The following CERCAM variants were observed in gnomAD, a reference collection of about 807,000 sequenced individuals.
CERCAM encodes cerebral endothelial cell adhesion molecule, also known as inactive glycosyltransferase 25 family member 3.
Under a neutral mutation model 66.0 loss-of-function variants are expected in CERCAM, and 59 were observed. The ratio of observed to expected loss-of-function variants is 0.89; its 90% CI spans 0.73 to 1.11. The LOEUF (loss-of-function observed/expected upper bound fraction) is 1.11, where lower values mean the gene tolerates loss of function less well. Among genes scored for constraint, CERCAM ranks in the 50% most tolerant of loss-of-function variants. The pLI is 0.00. For synonymous variants in CERCAM, 318 were observed against 343.6 expected (o/e 0.93, Z 0.83); for missense variants, 840 against 828.3 (o/e 1.01, Z -0.17).
At chr9:128,427,585 C>A (rs139741879) in intron 5 of CERCAM, 1 of 151,942 alleles carries the variant, frequency 6.6e-6, no homozygotes, top group Non-Finnish European at 1.5e-5. Context: ...GCCAACATGG[C>A]GAAACTCCGT....
chr9:128,434,256 AG>A lies in CERCAM; in HGVS notation c.1331+32del. ...TAGGCAGCCTGCACCCTCAGGGACA[AG>A]GGGGCAGGGTGGGCCTCCGGAGTCT... On this transcript the variant is annotated intron_variant, in intron 10 of 12. Coordinates refer to ENST00000372838, the MANE Select transcript of CERCAM (RefSeq NM_016174.5). The surrounding 1 kb of genome is among the most constrained non-coding windows in gnomAD (Gnocchi z 4.5). 1 of 1,613,336 alleles carries A rather than the reference AG, an allele frequency of 6.2e-7. No homozygotes were observed. The highest frequency in any genetic ancestry group is 8.5e-7 in the Non-Finnish European group (1 of 1,179,592).
intron 11 of CERCAM, among the ~76,000 whole-genome samples, chr9:128,435,111 A>G (rs990653697): frequency 2.0e-5 from 3 of 152,074 alleles, no homozygotes; most frequent in Non-Finnish European, 2.9e-5. Flanking sequence ...TTCCTGCCTC[A>G]GCCTCCTGAG....
Position 128,422,912 on chromosome 9 carries a change from A to G in CERCAM, c.242A>G (p.Gln81Arg). The G allele has an allele frequency of 1.2e-6, 2 of 1,614,114 alleles. No individual in the cohort carries two copies. The highest frequency in any genetic ancestry group is 1.7e-6 in the Non-Finnish European group (2 of 1,180,016). Residue 81 changes from glutamine to arginine, a missense_variant, in exon 2 of 13, where the codon CAG becomes CGG. Gln to Arg is a conservative substitution (Grantham distance 43, BLOSUM62 1). Coordinates refer to ENST00000372838, the MANE Select transcript of CERCAM (RefSeq NM_016174.5). Reference sequence around the variant, plus strand: ...GTGGACAACACCACAGAGATGCTGCAGGAGTGGCTGGCGGCTGTGGGCGAT... The same window carrying G: ...GTGGACAACACCACAGAGATGCTGCGGGAGTGGCTGGCGGCTGTGGGCGAT... The part of the protein sequence containing the change: ...HNVDNTTEML[Q>R]EWLAAVGDDY...
intron 2 of CERCAM, 35 bp from the exon 3 acceptor site, chr9:128,423,111 T>C: frequency 6.2e-7 from 1 of 1,612,238 alleles, no homozygotes; most frequent in Non-Finnish European, 8.5e-7. Context: ...GAGGGGCATG[T>C]ACCCCATGGG....
rs756658692 is a variant in CERCAM at position 128,434,275 on chromosome 9, C to A, written c.1331+46C>A. The A allele has an allele frequency of 6.2e-7, 1 of 1,610,100 alleles. No homozygotes were observed. The highest frequency in any genetic ancestry group is 1.7e-5 in the Admixed American group (1 of 59,764). ...GGGACAAGGGGGCAGGGTGGGCCTC[C>A]GGAGTCTGCCTTTTCCTGCTTGGGA... is the stretch of plus-strand genomic sequence containing the variant. On this transcript the variant is annotated intron_variant, in intron 10 of 12. Transcript: ENST00000372838. The surrounding 1 kb of genome is among the most constrained non-coding windows in gnomAD (Gnocchi z 4.5).
chr9:128,427,685 A>C (rs746489535), intron 5 of CERCAM: 5 of 152,126 alleles, frequency 3.3e-5, no homozygotes, highest in Non-Finnish European at 7.3e-5. Flanking sequence ...GAATTGCTCA[A>C]ACCTGGGAGA....
At chr9:128,431,383 G>A in intron 9 of CERCAM, 80 bp downstream of exon 9, 1 of 1,559,834 alleles carries the variant, frequency 6.4e-7, no homozygotes, top group Non-Finnish European at 8.7e-7. Context: ...CTGTGAACGA[G>A]TGAGTGAATG....
At position 128,435,749 on chromosome 9, in the gene CERCAM, G is replaced by T; in HGVS notation, c.1632G>T (p.Glu544Asp). ...AAPTHYAGDA[E>D]WLSDTETSSP... ...CTACCCACTATGCCGGGGACGCCGA[G>T]TGGCTCAGTGACACGGAGACATCCT... The change falls in exon 12 of 13, where the codon GAG becomes GAT. Residue 544 changes from glutamate (E) to aspartate (D), a missense_variant. Glu to Asp is a conservative substitution (Grantham distance 45, BLOSUM62 2). Transcript: ENST00000372838. 1 of 1,613,538 alleles carries T rather than the reference G, an allele frequency of 6.2e-7. No individual in the cohort carries two copies. The highest frequency in any genetic ancestry group is 8.5e-7 in the Non-Finnish European group (1 of 1,179,904).
At chr9:128,428,461 G>A in intron 6 of CERCAM, 40 bp downstream of exon 6, 2 of 1,609,474 alleles carry the variant, frequency 1.2e-6, no homozygotes, top group Non-Finnish European at 1.7e-6. Context: ...TGCTGCCGGG[G>A]CTCCCTGCCT....
chr9:128,435,535 G>C lies in CERCAM; in HGVS notation c.1536-118G>C, dbSNP rs1834087440. On this transcript the variant is annotated intron_variant, in intron 11 of 12. Coordinates refer to ENST00000372838, the MANE Select transcript of CERCAM (RefSeq NM_016174.5). Reference sequence around the variant, plus strand: ...TCCCACTGCTCAGGGCCGCTGTGAGGACTAGATGGCGGGGAGTGAGGTGCT... The same window carrying C: ...TCCCACTGCTCAGGGCCGCTGTGAGCACTAGATGGCGGGGAGTGAGGTGCT... 2.7e-6 allele frequency: 3 copies of C among 1,108,848 alleles called. No homozygotes were observed. The Admixed American group carries it at 7.2e-5, about 27-fold the overall frequency. 68.7% of individuals were successfully genotyped at this position (1,108,848 alleles called of 1,614,324 possible).
chr9:128,427,486 G>T (rs1399013461), intron 5 of CERCAM, among the ~76,000 whole-genome samples: 2 of 152,066 alleles, frequency 1.3e-5, no homozygotes, highest in East Asian at 1.9e-4. Flanking sequence ...AATATTGGCC[G>T]GGTGCAGTGG....
chr9:128,423,713 A>C (rs1241129076), intron 3 of CERCAM, among the ~76,000 whole-genome samples: 1 of 152,070 alleles, frequency 6.6e-6, no homozygotes, highest in Non-Finnish European at 1.5e-5. Context: ...CCCAGACCAG[A>C]TGTTCAGATT....
chr9:128,425,213 C>G (rs1422938568), intron 5 of CERCAM, among the ~76,000 whole-genome samples: 1 of 151,726 alleles, frequency 6.6e-6, no homozygotes, highest in Non-Finnish European at 1.5e-5. Flanking sequence ...CCCACCACCA[C>G]GCCCGGCTAA....
intron 1 of CERCAM, chr9:128,422,603 A>G (rs1204486472): frequency 2.3e-6 from 1 of 427,836 alleles, no homozygotes; most frequent in East Asian, 3.6e-5. Flanking sequence ...ATCTTTGTCC[A>G]TGACATAAGC....
rs185885815 is a variant in CERCAM, at chr9:128,435,988, G to A, written c.*83G>A. On this transcript the variant is annotated intron_variant, in intron 12 of 12. Transcript: ENST00000372838. ...TGATGGCATAACTGTGTCTGGGGCT[G>A]TTTTCCCCTTCTCAGCCTTCTCTCT... is the stretch of plus-strand genomic sequence containing the variant. The A allele has an allele frequency of 4.3e-6, 6 of 1,394,568 alleles. No homozygotes were observed. The South Asian group carries it at 8.6e-5, about 20-fold the overall frequency. 86.4% of individuals were successfully genotyped at this position (1,394,568 alleles called of 1,614,324 possible).
rs757720514 is a variant in CERCAM at position 128,424,413 on chromosome 9, T to C, written c.565T>C (p.Tyr189His). ...CCAAAGCATCCCTTTTCCCCAGGGC[T>C]ACTACCGCCGCACAGCCGAGTACTT... ...NFWCGITPQG[Y>H]YRRTAEYFPT... Residue 189 changes from tyrosine (Y) to histidine (H), a missense_variant, in exon 5 of 13, where the codon TAC (tyrosine) becomes CAC (histidine). By Grantham distance (83) the Tyr-to-His change is moderately conservative. Coordinates refer to ENST00000372838, the MANE Select transcript of CERCAM (RefSeq NM_016174.5). The C allele has an allele frequency of 6.2e-7, 1 of 1,614,004 alleles. No individual in the cohort carries two copies. Among genetic ancestry groups the C allele is most frequent in the South Asian group, 1.1e-5 (1 of 91,076 alleles).
Position 128,434,058 on chromosome 9 carries a change from G to T in CERCAM, c.1204-44G>T, listed in dbSNP as rs1475485444. The T allele has an allele frequency of 6.2e-7, 1 of 1,608,026 alleles. No individual in the cohort carries two copies. The highest frequency in any genetic ancestry group is 1.3e-5 in the African/African-American group (1 of 74,866). Reference sequence around the variant, plus strand: ...GCTTCAGCGTGGAGGGAGGGGGGTTGTTTAACTCCGAAGAGCCATCTCCCA... The same window carrying T: ...GCTTCAGCGTGGAGGGAGGGGGGTTTTTTAACTCCGAAGAGCCATCTCCCA... On this transcript the variant is annotated intron_variant, in intron 9 of 12. Transcript: ENST00000372838. This position sits in a 1 kb window ranked among gnomAD's most constrained non-coding sequence, Gnocchi z 4.5.
chr9:128,423,310 C>G (rs769187921), intron 3 of CERCAM, 47 bp downstream of exon 3: 4 of 1,488,622 alleles, frequency 2.7e-6, no homozygotes, highest in Non-Finnish European at 3.7e-6. Flanking sequence ...CGGTAGTATC[C>G]GTCCCTGATA....
intron 5 of CERCAM, among the ~76,000 whole-genome samples, chr9:128,425,316 A>G (rs944630363): frequency 1.3e-5 from 2 of 151,786 alleles, no homozygotes; most frequent in Non-Finnish European, 2.9e-5. Flanking sequence ...CGGCCTCCCA[A>G]AGTGCTGGGA....
Sources: allele counts gnomAD v4.1 joint callset (sites outside exome capture counted in the v4.1 genomes callset), GRCh38; gene constraint gnomAD v4.1.1; non-coding constraint Gnocchi (gnomAD v3.1); transcripts MANE v1.5; gene names NCBI Gene and HGNC (gene_info 2026-07-23, HGNC 2026-07-21).